Variants in CLUH observed in about 807,000 individuals in gnomAD.
CLUH encodes the protein clustered mitochondria protein homolog.
Under a neutral mutation model 139.3 loss-of-function variants are expected in CLUH, and 77 were observed. The ratio of observed to expected loss-of-function variants is 0.55; its 90% CI spans 0.46 to 0.67. The LOEUF (loss-of-function observed/expected upper bound fraction) is 0.67, where lower values mean the gene tolerates loss of function less well. CLUH is among the 30% of genes least tolerant of loss of function. CLUH has a pLI of 0.00. For synonymous variants in CLUH, 999 were observed against 801.6 expected (o/e 1.25, Z -4.16); for missense variants, 1,876 against 1,875.8 (o/e 1.00, Z 0.00).
chr17:2,708,030 G>T (rs2151725583), intron 1 of CLUH: 1 of 982,832 alleles, frequency 1.0e-6, no homozygotes, highest in East Asian at 1.1e-4. Flanking sequence ...GTCTCTCCCA[G>T]GGGAGAACAG....
intron 1 of CLUH, among the ~76,000 whole-genome samples, chr17:2,709,889 A>G (rs2070460474): frequency 6.6e-6 from 1 of 152,106 alleles, no homozygotes; most frequent in African/African-American, 2.4e-5. Flanking sequence ...TGTCCTGCCC[A>G]CGAGTATGCT....
Position 2,691,579 on chromosome 17 carries a change from G to A in CLUH, c.3863+30C>T, listed in dbSNP as rs780602685. 63 of 1,602,256 alleles carry A rather than the reference G, an allele frequency of 3.9e-5. 1 individual carries two copies. In the East Asian group the frequency reaches 1.1e-3, roughly 27 times the overall value. ...CCGACTCACAAAAAACCCCCAACCG[G>A]GAGACACTCGAGTGGGGCGGAGGCC... On this transcript the variant is annotated intron_variant, in intron 25 of 25. Transcript: ENST00000651024.
In CLUH at chr17:2,703,713, C is replaced by G. The variant is rs539553770; in HGVS notation, c.304-224G>C. The stretch of plus-strand genomic sequence containing the variant: ...AGGCCATGTCCACACATGCCATGCC[C>G]TGTGTGTGCAGCCTGGAGCCTGGCC... On this transcript the variant is annotated intron_variant, in intron 2 of 25. Transcript: ENST00000651024. The surrounding 1 kb of genome is among the most constrained non-coding windows in gnomAD (Gnocchi z 4.2). 1.2e-3 allele frequency among the ~76,000 whole-genome samples: 180 copies of G among 152,280 alleles called. 3 individuals are homozygous for G. The highest frequency in any genetic ancestry group is 2.2e-3 in the Non-Finnish European group (148 of 68,024).
chr17:2,692,996 CA>C (rs1018931185), intron 19 of CLUH, 136 bp from the exon 20 acceptor site: 2 of 768,262 alleles, frequency 2.6e-6, no homozygotes, highest in African/African-American at 3.6e-5. Context: ...CACAGTGCAG[CA>C]GGGGGGAGGG....
intron 18 of CLUH, 37 bp downstream of exon 18, chr17:2,694,086 A>C: frequency 6.2e-7 from 1 of 1,613,746 alleles, no homozygotes. Context: ...GGCCATGGGG[A>C]ACCCCCACCT....
intron 1 of CLUH, among the ~76,000 whole-genome samples, chr17:2,709,006 G>C (rs1269688990): frequency 1.3e-5 from 2 of 152,212 alleles, no homozygotes; most frequent in African/African-American, 2.4e-5. Flanking sequence ...TCTGCAGAGC[G>C]GGAGAGCCGT....
At chr17:2,697,760 C>A in intron 10 of CLUH, 136 bp downstream of exon 10, 1 of 873,044 alleles carries the variant, frequency 1.1e-6, no homozygotes, top group Non-Finnish European at 1.7e-6. Context: ...GACGGGTCTC[C>A]AATGACTGTG....
chr17:2,701,740 G>T lies in CLUH; in HGVS notation c.620-3C>A. The T allele has an allele frequency of 6.4e-7, 1 of 1,559,412 alleles. No individual in the cohort carries two copies. The highest frequency in any genetic ancestry group is 8.7e-7 in the Non-Finnish European group (1 of 1,152,810). On this transcript the variant is annotated splice_polypyrimidine_tract_variant and splice_region_variant and intron_variant, in intron 4 of 25. Transcript: ENST00000651024. ...GCCCTTCTTCCGCTTCCCGCTGTCTGAGGGACCCGAGGCTGGTGGTCAGCA... is the reference window on the plus strand; with the variant it reads ...GCCCTTCTTCCGCTTCCCGCTGTCTTAGGGACCCGAGGCTGGTGGTCAGCA...
rs945829721 is a variant in CLUH at position 2,704,502 on chromosome 17, C to A, written c.163G>T (p.Ala55Ser). Residue 55 changes from alanine to serine, a missense_variant, in exon 2 of 26, where the codon GCG becomes TCG. Physicochemically the swap from Ala to Ser is moderately conservative, Grantham distance 99 (BLOSUM62 1). Transcript: ENST00000651024. The surrounding 1 kb of genome is among the most constrained non-coding windows in gnomAD (Gnocchi z 5.7). ...CPESLKKEAAAAEPPRENGLD... is the reference protein window; with the variant it reads ...CPESLKKEAASAEPPRENGLD... Reference sequence around the variant, plus strand: ...CCATTTTCCCTGGGTGGCTCGGCCGCCGCCGCCTCCTTCTTCAGGCTCTCT... The same window carrying A: ...CCATTTTCCCTGGGTGGCTCGGCCGACGCCGCCTCCTTCTTCAGGCTCTCT... 6.3e-6 allele frequency: 10 copies of A among 1,585,854 alleles called. No homozygotes were observed. The highest frequency in any genetic ancestry group is 1.3e-5 in the African/African-American group (1 of 74,198).
At chr17:2,697,682 C>G (rs554244979) in intron 10 of CLUH, among the ~76,000 whole-genome samples, 1 of 152,354 alleles carries the variant, frequency 6.6e-6, no homozygotes, top group African/African-American at 2.4e-5. Flanking sequence ...CCACATTACC[C>G]GCCTGGCTGC....
At chr17:2,690,876 C>G in intron 25 of CLUH, 99 bp from the exon 26 acceptor site, 1 of 949,916 alleles carries the variant, frequency 1.1e-6, no homozygotes. Context: ...GCTCTGCGCT[C>G]TATTCAGTGG....
intron 13 of CLUH, 108 bp from the exon 14 acceptor site, chr17:2,695,634 A>C (rs1437251022): frequency 1.5e-6 from 2 of 1,365,756 alleles, no homozygotes; most frequent in East Asian, 2.5e-5. Context: ...AAGGACCCCG[A>C]AGGCTCCAGC....
intron 1 of CLUH, among the ~76,000 whole-genome samples, chr17:2,709,520 C>T (rs2070448503): frequency 6.6e-6 from 1 of 152,150 alleles, no homozygotes; most frequent in African/African-American, 2.4e-5. Flanking sequence ...CCAGCCTCCT[C>T]CTCCTCCCCC....
At chr17:2,696,559 G>A (rs2069954128) in intron 11 of CLUH, 21 bp from the exon 12 acceptor site, 10 of 1,549,580 alleles carry the variant, frequency 6.5e-6, no homozygotes, top group Non-Finnish European at 7.8e-6. Context: ...ATGGCTCCAT[G>A]AGACACGGGT....
chr17:2,708,098 G>C (rs1400295958), intron 1 of CLUH: 30 of 736,342 alleles, frequency 4.1e-5, no homozygotes, highest in Non-Finnish European at 4.8e-5. Context: ...CAGCTGGCCA[G>C]GGCGCCTTCC....
In CLUH at chr17:2,698,049, T is replaced by G; in HGVS notation, c.1808A>C (p.Asp603Ala). 2 of 1,606,364 alleles carry G rather than the reference T, an allele frequency of 1.2e-6. No individual in the cohort carries two copies. Among genetic ancestry groups the G allele is most frequent in the Non-Finnish European group, 1.7e-6 (2 of 1,179,030 alleles). Reference sequence around the variant, plus strand: ...GTCCGGGGGGAAGGTGCGCAGCAGGTCGAGGATGTAGTGGCGCCCGTCGTT... The same window carrying G: ...GTCCGGGGGGAAGGTGCGCAGCAGGGCGAGGATGTAGTGGCGCCCGTCGTT... ...IGNDGRHYIL[D>A]LLRTFPPDLN... The change falls in exon 10 of 26, where the codon GAC (aspartate) becomes GCC (alanine). Residue 603 changes from aspartate (D) to alanine (A), a missense_variant. Coordinates refer to ENST00000651024, the MANE Select transcript of CLUH (RefSeq NM_001366661.1).
In CLUH at chr17:2,697,945, T is replaced by C. The variant is rs2070023929; in HGVS notation, c.1912A>G (p.Lys638Glu). 4 of 1,556,372 alleles carry C rather than the reference T, an allele frequency of 2.6e-6. No individual in the cohort carries two copies. Among genetic ancestry groups the C allele is most frequent in the Admixed American group, 1.9e-5 (1 of 53,792 alleles). ...RAGFPRAHRH[K>E]LCCLRQELVD... ...AGCTCCTGGCGCAGGCAGCAGAGCT[T>C]GTGCCGGTGGGCGCGGGGGAAGCCG... Residue 638 changes from lysine (K) to glutamate (E), a missense_variant, in exon 10 of 26, where the codon AAG (lysine) becomes GAG (glutamate). This residue lies in a region of CLUH where 1,454 missense variants were observed against 1,384.4 expected (regional missense o/e 1.05). Transcript: ENST00000651024.
chr17:2,703,254 G>A lies in CLUH; in HGVS notation c.475+64C>T. 2 of 1,505,140 alleles carry A rather than the reference G, an allele frequency of 1.3e-6. No homozygotes were observed. The highest frequency in any genetic ancestry group is 1.4e-5 in the African/African-American group (1 of 72,678). The allele number at this position is 1,505,140 out of a possible 1,614,324, so 93.2% of individuals were successfully genotyped here. On this transcript the variant is annotated intron_variant, in intron 3 of 25. Transcript: ENST00000651024. This position sits in a 1 kb window ranked among gnomAD's most constrained non-coding sequence, Gnocchi z 4.2. Reference sequence around the variant, plus strand: ...GTGACACAGGGACCCTGGCATGGATGGTGCTGCCTGCCTCTGCCTCCGTGG... The same window carrying A: ...GTGACACAGGGACCCTGGCATGGATAGTGCTGCCTGCCTCTGCCTCCGTGG...
chr17:2,696,944 T>C lies in CLUH; in HGVS notation c.1962-2A>G. The C allele has an allele frequency of 6.4e-7, 1 of 1,568,758 alleles. No individual in the cohort carries two copies. Among genetic ancestry groups the C allele is most frequent in the Admixed American group, 1.9e-5 (1 of 53,764 alleles). Reference sequence around the variant, plus strand: ...GCCAGCTTCATAAAGAGGAGGTACCTGGAGCAGAGGAAACAGGGCAGAGCA... The same window carrying C: ...GCCAGCTTCATAAAGAGGAGGTACCCGGAGCAGAGGAAACAGGGCAGAGCA... On this transcript the variant is annotated splice_acceptor_variant, in intron 10 of 25. Coordinates refer to ENST00000651024, the MANE Select transcript of CLUH (RefSeq NM_001366661.1). LOFTEE classifies it high-confidence loss of function.
Sources: allele counts gnomAD v4.1 joint callset (sites outside exome capture counted in the v4.1 genomes callset), GRCh38; gene constraint gnomAD v4.1.1; regional missense constraint gnomAD v4.1.1; non-coding constraint Gnocchi (gnomAD v3.1); transcripts MANE v1.5; gene names NCBI Gene and HGNC (gene_info 2026-07-23, HGNC 2026-07-21).